NOVA1: variants seen among roughly 807,000 people sequenced by gnomAD.
The protein encoded by NOVA1 is NOVA alternative splicing regulator 1.
Under a neutral mutation model 38.0 loss-of-function variants are expected in NOVA1, and 7 were observed. That is an observed-to-expected ratio of 0.18 (90% CI 0.10 to 0.35). The LOEUF is 0.35. Among genes scored for constraint, NOVA1 ranks in the 10% least tolerant of loss-of-function variants. NOVA1 has a pLI of 1.00. For synonymous variants in NOVA1, 270 were observed against 232.5 expected (o/e 1.16, Z -1.47); for missense variants, 460 against 616.0 (o/e 0.75, Z 2.68).
chr14:26,559,354 T>G (rs1243609277), intron 2 of NOVA1, among the ~76,000 whole-genome samples: 1 of 152,152 alleles, frequency 6.6e-6, no homozygotes, highest in Admixed American at 6.5e-5. Flanking sequence ...CTGGTTAGTA[T>G]AATTCTGAGA....
chr14:26,529,520 A>T (rs2138543352), intron 2 of NOVA1, among the ~76,000 whole-genome samples: 1 of 152,246 alleles, frequency 6.6e-6, no homozygotes, highest in South Asian at 2.1e-4. Context: ...CTCTATCATG[A>T]TGCTCCAGCA....
At chr14:26,496,439 A>G (rs178198) in intron 2 of NOVA1, among the ~76,000 whole-genome samples, 140,059 of 151,672 alleles carry the variant, frequency 0.92, 65,497 homozygotes, top group East Asian at 1. Flanking sequence ...CCCATTCTGT[A>G]GGTTGCCTGT....
In NOVA1 at chr14:26,447,640, G is replaced by T; in HGVS notation, c.*319C>A. 1 of 335,676 alleles carries T rather than the reference G, an allele frequency of 3.0e-6. No individual in the cohort carries two copies. The allele number at this position is 335,676 out of a possible 1,614,324, so 20.8% of individuals were successfully genotyped here. The stretch of plus-strand genomic sequence containing the variant: ...CTAGAACTAATACTGAAAACTATAC[G>T]CATATCCCTGTCTACATTCAATCAT... On this transcript the variant is annotated 3_prime_UTR_variant, in exon 5 of 5. Coordinates refer to ENST00000539517, the MANE Select transcript of NOVA1 (RefSeq NM_002515.3).
At chr14:26,574,553 T>C (rs1892713351) in intron 2 of NOVA1, among the ~76,000 whole-genome samples, 1 of 152,102 alleles carries the variant, frequency 6.6e-6, no homozygotes, top group South Asian at 2.1e-4. Flanking sequence ...AACAAATAGC[T>C]TTAGGTTTCC....
intron 2 of NOVA1, among the ~76,000 whole-genome samples, chr14:26,567,839 A>G (rs1892228282): frequency 6.6e-6 from 1 of 152,226 alleles, no homozygotes; most frequent in Non-Finnish European, 1.5e-5. Flanking sequence ...TGCTTTTAAA[A>G]AATAGTTTTT....
At chr14:26,449,316 GT>G (rs1882418831) in intron 4 of NOVA1, among the ~76,000 whole-genome samples, 1 of 152,076 alleles carries the variant, frequency 6.6e-6, no homozygotes, top group East Asian at 1.9e-4. Flanking sequence ...ATCACATGCT[GT>G]TGATGATTCT....
intron 2 of NOVA1, among the ~76,000 whole-genome samples, chr14:26,489,764 A>G (rs1388019622): frequency 1.3e-5 from 2 of 152,018 alleles, no homozygotes; most frequent in Non-Finnish European, 2.9e-5. Context: ...TGAATTTGCG[A>G]GGCACAGGTT....
chr14:26,580,708 G>A (rs1003961165), intron 2 of NOVA1, among the ~76,000 whole-genome samples: 5 of 151,738 alleles, frequency 3.3e-5, no homozygotes, highest in Non-Finnish European at 5.9e-5. Flanking sequence ...AAAATAGAAT[G>A]TTTAAAAATA....
At chr14:26,509,492 G>A (rs987692831) in intron 2 of NOVA1, among the ~76,000 whole-genome samples, 16 of 152,158 alleles carry the variant, frequency 1.1e-4, no homozygotes, top group Admixed American at 5.9e-4. Context: ...AAGTTCTCAA[G>A]CTTCATGATT....
At chr14:26,458,221 A>G (rs978717510) in intron 4 of NOVA1, among the ~76,000 whole-genome samples, 3 of 152,090 alleles carry the variant, frequency 2.0e-5, no homozygotes, top group Non-Finnish European at 2.9e-5. Flanking sequence ...TTTATATATT[A>G]CTGGTGGGAA....
chr14:26,485,766 CTCAGTA>C (rs1456422736), intron 2 of NOVA1, among the ~76,000 whole-genome samples: 1 of 152,040 alleles, frequency 6.6e-6, no homozygotes, highest in Non-Finnish European at 1.5e-5. Context: ...GGAAATATAA[CTCAGTA>C]TCTTATGAAA....
At chr14:26,462,142 C>T (rs536084921) in intron 4 of NOVA1, among the ~76,000 whole-genome samples, 33 of 151,852 alleles carry the variant, frequency 2.2e-4, no homozygotes, top group Middle Eastern at 3.4e-3. Context: ...TATACAATAA[C>T]GTCCCAGGCC....
chr14:26,479,828 G>C (rs1232949827), intron 3 of NOVA1, 149 bp downstream of exon 3: 9 of 734,786 alleles, frequency 1.2e-5, no homozygotes, highest in Non-Finnish European at 2.0e-5. Context: ...ATGAGACCTT[G>C]ATAGTCTTTA....
chr14:26,511,975 A>G (rs2138457884), intron 2 of NOVA1, among the ~76,000 whole-genome samples: 1 of 152,292 alleles, frequency 6.6e-6, no homozygotes, highest in Non-Finnish European at 1.5e-5. Flanking sequence ...TGGGAAAACT[A>G]TTATGTTAAG....
intron 2 of NOVA1, among the ~76,000 whole-genome samples, chr14:26,481,875 T>C (rs1198576415): frequency 4.0e-5 from 6 of 151,858 alleles, no homozygotes; most frequent in African/African-American, 1.5e-4. Flanking sequence ...TACAAAGTGT[T>C]CTTATCCAGG....
At chr14:26,537,643 A>G (rs1222906282) in intron 2 of NOVA1, among the ~76,000 whole-genome samples, 1 of 152,204 alleles carries the variant, frequency 6.6e-6, no homozygotes, top group African/African-American at 2.4e-5. Context: ...CATATGCCCA[A>G]CAATAGCCCC....
chr14:26,470,378 CA>C (rs1377911499), intron 4 of NOVA1: 8 of 1,508,286 alleles, frequency 5.3e-6, no homozygotes, highest in Non-Finnish European at 7.3e-6. Flanking sequence ...AAAATAATTA[CA>C]AAGTATTAAT....
chr14:26,595,373 G>A (rs751012646), intron 2 of NOVA1, 37 bp downstream of exon 2: 16 of 1,594,478 alleles, frequency 1.0e-5, no homozygotes, highest in Non-Finnish European at 1.1e-5. Flanking sequence ...TTTCCTGTGG[G>A]GAGCTCATCA....
At chr14:26,581,695 T>G (rs1231607560) in intron 2 of NOVA1, among the ~76,000 whole-genome samples, 3 of 151,966 alleles carry the variant, frequency 2.0e-5, no homozygotes, top group Non-Finnish European at 2.9e-5. Context: ...GTATAACCTA[T>G]CAGAAATATT....
Sources: gnomAD v4.1 joint callset for allele counts (sites outside exome capture counted in the v4.1 genomes callset) on GRCh38, gnomAD v4.1.1 for gene constraint, MANE v1.5 for transcripts, NCBI Gene and HGNC (gene_info 2026-07-23, HGNC 2026-07-21) for gene names.